The following GSAP variants were observed in gnomAD, a reference collection of about 807,000 sequenced individuals.
GSAP encodes gamma-secretase-activating protein.
GSAP carries 118 observed loss-of-function variants against 131.7 expected under a neutral mutation model. That is an observed-to-expected ratio of 0.90 (90% confidence interval 0.77 to 1.04). The LOEUF (loss-of-function observed/expected upper bound fraction) is 1.04. Ranked by LOEUF, GSAP falls within the 50% of genes least tolerant of loss-of-function variation. The pLI is 0.00. For missense variants in GSAP, 1,019 were observed against 1,013.2 expected (o/e 1.01, Z -0.08); for synonymous variants, 381 against 363.4 (o/e 1.05, Z -0.55).
At chr7:77,387,219 G>C (rs1358011721) in intron 6 of GSAP, 141 bp downstream of exon 6, 1 of 460,622 alleles carries the variant, frequency 2.2e-6, no homozygotes, top group African/African-American at 2.0e-5. Flanking sequence ...AACAAAGAGC[G>C]GATACTTCCA....
intron 1 of GSAP, among the ~76,000 whole-genome samples, chr7:77,409,800 G>T (rs1057203818): frequency 5.9e-5 from 9 of 152,148 alleles, no homozygotes; most frequent in Non-Finnish European, 1.0e-4. Flanking sequence ...TTGCAAAAGC[G>T]TATCTATTTT....
At chr7:77,416,139 C>A in intron 1 of GSAP, 74 bp downstream of exon 1, 1 of 863,672 alleles carries the variant, frequency 1.2e-6, no homozygotes, top group Non-Finnish European at 1.6e-6. Context: ...TGCTCCCCAC[C>A]GGGTCGGAGT....
At chr7:77,394,238 C>A (rs1454884401) in intron 5 of GSAP, among the ~76,000 whole-genome samples, 1 of 152,212 alleles carries the variant, frequency 6.6e-6, no homozygotes, top group African/African-American at 2.4e-5. Flanking sequence ...CGTGATCCAT[C>A]TGCACCTCAC....
intron 26 of GSAP, among the ~76,000 whole-genome samples, chr7:77,318,875 A>C (rs751137791): frequency 6.5e-5 from 9 of 138,266 alleles, no homozygotes; most frequent in Non-Finnish European, 1.1e-4. Context: ...ACCCAACAAA[A>C]AAGCTTCTGC....
At chr7:77,334,579 TTAAAAAA>T (rs1175515584) in intron 19 of GSAP, among the ~76,000 whole-genome samples, 12 of 82,384 alleles carry the variant, frequency 1.5e-4, no homozygotes, top group Non-Finnish European at 2.1e-4. Context: ...AACTTAAAAT[TTAAAAAA>T]AAAAAAAAAA....
chr7:77,312,330 T>C (rs1794475983), intron 28 of GSAP, 128 bp from the exon 29 acceptor site: 3 of 556,466 alleles, frequency 5.4e-6, no homozygotes, highest in East Asian at 5.9e-5. Context: ...CCCTTGATGA[T>C]TAAGGACCCT....
At chr7:77,379,878 T>C (rs1797535777) in intron 8 of GSAP, 1 of 984,442 alleles carries the variant, frequency 1.0e-6, no homozygotes, top group Non-Finnish European at 1.2e-6. Flanking sequence ...CCAGGCTTCT[T>C]GATTTGAGGC....
chr7:77,314,825 T>C lies in GSAP; in HGVS notation c.2090-336A>G, dbSNP rs547348429. ...CAAAAGAGTACAGAAGCATTTCAGA[T>C]TTCGTATGTCCAGACTAAAAGGTTG... On this transcript the variant is annotated intron_variant, in intron 26 of 30. Coordinates refer to ENST00000257626, the MANE Select transcript of GSAP (RefSeq NM_017439.4). 6 of 193,996 alleles carry C rather than the reference T, an allele frequency of 3.1e-5. No homozygotes were observed. In the South Asian group the frequency reaches 5.5e-4, roughly 18 times the overall value. 12.0% of individuals were successfully genotyped at this position (193,996 alleles called of 1,614,324 possible). A position where few individuals can be genotyped will look rare whatever the true frequency, so the allele number is the denominator to read the frequency against.
intron 16 of GSAP, among the ~76,000 whole-genome samples, chr7:77,353,890 G>A (rs535378486): frequency 2.6e-5 from 4 of 152,142 alleles, no homozygotes; most frequent in Admixed American, 6.5e-5. Flanking sequence ...CCAAATAAAC[G>A]TTCCTCAACC....
intron 20 of GSAP, 135 bp from the exon 21 acceptor site, chr7:77,329,526 A>AT (rs996167099): frequency 2.8e-5 from 12 of 424,752 alleles, no homozygotes; most frequent in Admixed American, 1.3e-4. Flanking sequence ...GAACACCTAG[A>AT]TTTTTTTTAA....
intron 16 of GSAP, among the ~76,000 whole-genome samples, chr7:77,354,717 C>A: frequency 1.4e-5 from 2 of 145,160 alleles, no homozygotes; most frequent in South Asian, 2.2e-4. Context: ...ACTCTTTGAT[C>A]TTAACCACAT....
chr7:77,378,275 A>G (rs1207765742), intron 8 of GSAP, among the ~76,000 whole-genome samples: 1 of 152,114 alleles, frequency 6.6e-6, no homozygotes, highest in Non-Finnish European at 1.5e-5. Flanking sequence ...TGAGGTCAGG[A>G]GTTCAAGACC....
At chr7:77,391,845 A>G (rs999433055) in intron 5 of GSAP, among the ~76,000 whole-genome samples, 4 of 152,176 alleles carry the variant, frequency 2.6e-5, no homozygotes, top group African/African-American at 4.8e-5. Flanking sequence ...AAAAATAATC[A>G]GAATAAAATG....
intron 5 of GSAP, among the ~76,000 whole-genome samples, chr7:77,394,544 A>C (rs1800061496): frequency 6.6e-6 from 1 of 152,190 alleles, no homozygotes; most frequent in Non-Finnish European, 1.5e-5. Context: ...CTAAGATAAG[A>C]ACTTATCTCA....
intron 10 of GSAP, 53 bp downstream of exon 10, chr7:77,376,795 A>T: frequency 4.6e-6 from 3 of 656,432 alleles, no homozygotes; most frequent in Non-Finnish European, 7.2e-6. Context: ...AAAAAAAAAA[A>T]GAGAGTAATG....
chr7:77,369,770 TAAC>T (rs777824096), intron 12 of GSAP, among the ~76,000 whole-genome samples: 2 of 151,236 alleles, frequency 1.3e-5, no homozygotes, highest in African/African-American at 2.4e-5. Flanking sequence ...AGATTTTGTT[TAAC>T]AACAAAGGTA....
intron 12 of GSAP, among the ~76,000 whole-genome samples, chr7:77,365,579 C>A (rs187708957): frequency 6.6e-6 from 1 of 152,266 alleles, no homozygotes; most frequent in African/African-American, 2.4e-5. Context: ...TTTTTTATAG[C>A]TGCACAGTAT....
chr7:77,341,058 T>C (rs138168578), intron 19 of GSAP, among the ~76,000 whole-genome samples: 127 of 152,236 alleles, frequency 8.3e-4, no homozygotes, highest in African/African-American at 2.8e-3. Flanking sequence ...CAATACAAAC[T>C]TGATAATGGT....
intron 1 of GSAP, 112 bp downstream of exon 1, chr7:77,416,101 G>A: frequency 1.8e-6 from 1 of 569,824 alleles, no homozygotes; most frequent in South Asian, 2.6e-5. Flanking sequence ...CCTCGCACCA[G>A]CCTTCTCAGG....
Sources: allele counts gnomAD v4.1 joint callset (sites outside exome capture counted in the v4.1 genomes callset), GRCh38; gene constraint gnomAD v4.1.1; transcripts MANE v1.5; gene names NCBI Gene and HGNC (gene_info 2026-07-23, HGNC 2026-07-21).